The following PRRX1 variants were observed in gnomAD, a reference collection of about 807,000 sequenced individuals.
PRRX1 encodes the protein paired related homeobox 1.
In PRRX1, 8 loss-of-function variants were observed where a neutral mutation model predicts 24.0. The ratio of observed to expected loss-of-function variants is 0.33; its 90% CI spans 0.20 to 0.60. The LOEUF (loss-of-function observed/expected upper bound fraction) is 0.60, where lower values mean the gene tolerates loss of function less well. Among genes scored for constraint, PRRX1 ranks in the 20% least tolerant of loss-of-function variants. The probability of loss-of-function intolerance (pLI) is 0.82; values close to 1 mark genes in which losing one functional copy is unlikely to be tolerated. For synonymous variants in PRRX1, 160 were observed against 131.7 expected (o/e 1.22, Z -1.47); for missense variants, 281 against 322.4 (o/e 0.87, Z 0.98).
intron 1 of PRRX1, among the ~76,000 whole-genome samples, chr1:170,717,455 AT>A (rs1487672192): frequency 6.6e-6 from 1 of 152,248 alleles, no homozygotes; most frequent in African/African-American, 2.4e-5. Context: ...AAGATTTATA[AT>A]TTGTGGTTGC....
At chr1:170,686,654 G>A (rs867860322) in intron 1 of PRRX1, among the ~76,000 whole-genome samples, 25 of 152,176 alleles carry the variant, frequency 1.6e-4, no homozygotes, top group Admixed American at 2.6e-4. Flanking sequence ...TCGATTCCAT[G>A]AGAGATATTT....
At chr1:170,665,952 G>A (rs955425430) in intron 1 of PRRX1, among the ~76,000 whole-genome samples, 1 of 152,238 alleles carries the variant, frequency 6.6e-6, no homozygotes, top group African/African-American at 2.4e-5. Flanking sequence ...CTCAAGTTCC[G>A]CATAAAGGGC....
chr1:170,664,024 G>C, upstream of PRRX1: 1 of 592,874 alleles, frequency 1.7e-6, no homozygotes, highest in Non-Finnish European at 2.9e-6. Flanking sequence ...TACAGAAGGG[G>C]GTCCCCCACC....
chr1:170,680,702 G>A (rs1197425303), intron 1 of PRRX1, among the ~76,000 whole-genome samples: 4 of 152,196 alleles, frequency 2.6e-5, no homozygotes, highest in African/African-American at 7.2e-5. Flanking sequence ...CCTTGCAGAT[G>A]CTGGCATTGG....
At chr1:170,679,851 GTTTATC>G (rs1358390793) in intron 1 of PRRX1, among the ~76,000 whole-genome samples, 1 of 152,142 alleles carries the variant, frequency 6.6e-6, no homozygotes, top group Non-Finnish European at 1.5e-5. Flanking sequence ...TTAAATGAAA[GTTTATC>G]TTTATCTTCT....
intron 1 of PRRX1, among the ~76,000 whole-genome samples, chr1:170,689,748 T>TA (rs1301116363): frequency 6.6e-6 from 1 of 151,422 alleles, no homozygotes; most frequent in East Asian, 1.9e-4. Flanking sequence ...GTGCATGGGA[T>TA]ACACAGGTTG....
At chr1:170,726,544 ATT>A (rs1027134034) in intron 3 of PRRX1, 143 bp downstream of exon 3, 19 of 1,029,662 alleles carry the variant, frequency 1.8e-5, no homozygotes, top group South Asian at 1.8e-4. Flanking sequence ...ACATCCCCAC[ATT>A]TTCCCAGGAG....
At chr1:170,683,353 G>A (rs191749741) in intron 1 of PRRX1, among the ~76,000 whole-genome samples, 42 of 152,308 alleles carry the variant, frequency 2.8e-4, no homozygotes, top group African/African-American at 9.4e-4. Context: ...GGAGGCTGAC[G>A]GAGCCAGCGG....
chr1:170,689,839 C>CCTCTCT (rs71559512), intron 1 of PRRX1, among the ~76,000 whole-genome samples: 986 of 91,612 alleles, frequency 0.011, 8 homozygotes, highest in East Asian at 0.029. Context: ...TCTCTCTCTC[C>CCTCTCT]CTCTCTCTCT....
intron 1 of PRRX1, among the ~76,000 whole-genome samples, chr1:170,689,670 T>C (rs1653860771): frequency 6.6e-6 from 1 of 152,086 alleles, no homozygotes; most frequent in South Asian, 2.1e-4. Flanking sequence ...TTTAAAAAAA[T>C]CGTTTTCATT....
intron 1 of PRRX1, among the ~76,000 whole-genome samples, chr1:170,694,931 G>A (rs1178468110): frequency 6.6e-6 from 1 of 152,134 alleles, no homozygotes; most frequent in Non-Finnish European, 1.5e-5. Context: ...CTTCTAATAT[G>A]TCAGTCAGCC....
At chr1:170,695,026 G>C (rs1654120206) in intron 1 of PRRX1, among the ~76,000 whole-genome samples, 1 of 152,140 alleles carries the variant, frequency 6.6e-6, no homozygotes. Context: ...GACCTTACTT[G>C]TAGTTGCAAA....
Position 170,738,349 on chromosome 1 carries a change from T to C in PRRX1, c.*2163T>C, listed in dbSNP as rs1655689890. ...GAAATTGTATTTCAAATGTTGATTC[T>C]GTAGTTCTTTAAATAATAATGAAGC... On this transcript the variant is annotated 3_prime_UTR_variant, in exon 4 of 4. Coordinates refer to ENST00000239461, the MANE Select transcript of PRRX1 (RefSeq NM_022716.4). The C allele has an allele frequency of 4.4e-6, 1 of 225,106 alleles. No homozygotes were observed. Among genetic ancestry groups the C allele is most frequent in the Non-Finnish European group, 8.8e-6 (1 of 113,132 alleles). The allele number at this position is 225,106 out of a possible 1,614,324, so 13.9% of individuals were successfully genotyped here.
At position 170,664,400 on chromosome 1, in the gene PRRX1, G is replaced by C. The variant is rs932931451; in HGVS notation, c.182G>C (p.Gly61Ala). ...AQADENVGEA[G>A]RSLLESPGLT... ...GCGGATGAGAACGTGGGCGAGGCTG[G>C]CCGGAGCCTGCTGGAGTCGCCGGGA... is the stretch of plus-strand genomic sequence containing the variant. The change falls in exon 1 of 4, where the codon GGC becomes GCC. Residue 61 changes from glycine to alanine, a missense_variant. Gly to Ala is a moderately conservative substitution (Grantham distance 60). Transcript: ENST00000239461. The C allele has an allele frequency of 6.2e-7, 1 of 1,612,342 alleles. No individual in the cohort carries two copies. The highest frequency in any genetic ancestry group is 1.3e-5 in the African/African-American group (1 of 74,906).
intron 1 of PRRX1, among the ~76,000 whole-genome samples, chr1:170,674,059 A>G (rs1295282598): frequency 1.3e-5 from 2 of 152,238 alleles, no homozygotes; most frequent in African/African-American, 4.8e-5. Context: ...AAATCATGTC[A>G]TGTTCTTTCT....
chr1:170,667,872 A>G (rs1481417683), intron 1 of PRRX1: 1 of 152,172 alleles, frequency 6.6e-6, no homozygotes, highest in East Asian at 1.9e-4. Flanking sequence ...TACACCTTCA[A>G]TATTAGATTC....
chr1:170,729,616 T>G (rs1571350192), intron 3 of PRRX1, among the ~76,000 whole-genome samples: 1 of 152,190 alleles, frequency 6.6e-6, no homozygotes, highest in Non-Finnish European at 1.5e-5. Flanking sequence ...ACAACAGGTA[T>G]AAGCCAGGAT....
intron 1 of PRRX1, among the ~76,000 whole-genome samples, chr1:170,692,741 TCACA>T (rs1553252913): frequency 2.0e-3 from 279 of 139,564 alleles, no homozygotes; most frequent in African/African-American, 5.9e-3. Flanking sequence ...TCTCTCTCTC[TCACA>T]CACACACACA....
chr1:170,680,363 AG>A (rs1309643893), intron 1 of PRRX1, among the ~76,000 whole-genome samples: 1 of 152,182 alleles, frequency 6.6e-6, no homozygotes, highest in African/African-American at 2.4e-5. Context: ...AGAGATGTGA[AG>A]GGGCAGAAAA....
Sources: gnomAD v4.1 joint callset for allele counts (sites outside exome capture counted in the v4.1 genomes callset) on GRCh38, gnomAD v4.1.1 for gene constraint, MANE v1.5 for transcripts, NCBI Gene and HGNC (gene_info 2026-07-23, HGNC 2026-07-21) for gene names.